Variants in TENM4 observed in about 807,000 individuals in gnomAD.
TENM4 encodes teneurin-4.
In TENM4, 82 loss-of-function variants were observed where a neutral mutation model predicts 243.3. The ratio of observed to expected loss-of-function variants is 0.34; its 90% CI spans 0.28 to 0.40. The LOEUF (loss-of-function observed/expected upper bound fraction) is 0.40. TENM4 is among the 10% of genes least tolerant of loss of function. The pLI is 1.00. For missense variants in TENM4, 3,138 were observed against 3,673.3 expected (o/e 0.85, Z 3.77); for synonymous variants, 1,412 against 1,456.3 (o/e 0.97, Z 0.69).
chr11:78,669,915 G>A lies in TENM4; in HGVS notation c.6430C>T (p.His2144Tyr), dbSNP rs1454327458. Residue 2144 changes from histidine (H) to tyrosine (Y), a missense_variant, in exon 32 of 34, where the codon CAT becomes TAT. Transcript: ENST00000278550. The surrounding 1 kb of genome is among the most constrained non-coding windows in gnomAD (Gnocchi z 6.4). ...TTCATCCTGCCATATGCATCAAAAT[G>A]CTTGGTGTGGGTCATGACAGCTGTG... ...ITTAVMTHTK[H>Y]FDAYGRMKEV... 20 of 1,613,720 alleles carry A rather than the reference G, an allele frequency of 1.2e-5. No individual in the cohort carries two copies. The highest frequency in any genetic ancestry group is 1.5e-5 in the Non-Finnish European group (18 of 1,179,872).
At chr11:78,781,074 G>T (rs1040078248) in intron 16 of TENM4, among the ~76,000 whole-genome samples, 1 of 152,214 alleles carries the variant, frequency 6.6e-6, no homozygotes, top group Admixed American at 6.5e-5. Flanking sequence ...GAAAATGGGA[G>T]TGACAAATGG....
intron 6 of TENM4, among the ~76,000 whole-genome samples, chr11:78,975,617 CAT>C (rs751405946): frequency 0.1 from 6,746 of 64,750 alleles, 227 homozygotes; most frequent in African/African-American, 0.21. Flanking sequence ...CACACACACA[CAT>C]ATATATATAT....
chr11:78,950,176 C>T (rs1857083905), intron 6 of TENM4, among the ~76,000 whole-genome samples: 1 of 152,188 alleles, frequency 6.6e-6, no homozygotes, highest in South Asian at 2.1e-4. Flanking sequence ...CAAAGGCCAT[C>T]ACCAGCTCAG....
In TENM4 at chr11:79,174,927, A is replaced by T. The variant is rs141516080; in HGVS notation, c.-162-26121T>A. Among the ~76,000 whole-genome samples the T allele has an allele frequency of 1.4e-4, 21 of 151,354 alleles. No individual in the cohort carries two copies. In the East Asian group the frequency reaches 3.7e-3, roughly 27 times the overall value. On this transcript the variant is annotated intron_variant, in intron 3 of 33. Coordinates refer to ENST00000278550, the MANE Select transcript of TENM4 (RefSeq NM_001098816.3). ...ACTTTTAAAATAATCCCTTCACTAC[A>T]CTCTCCTCAGCTACCCCATATGACA...
In TENM4 at chr11:78,672,211, C is replaced by G. The variant is rs1472139455; in HGVS notation, c.5615G>C (p.Ser1872Thr). 7.4e-6 allele frequency: 12 copies of G among 1,613,888 alleles called. 1 individual carries two copies. In the East Asian group the frequency reaches 2.7e-4, roughly 36 times the overall value. Residue 1872 changes from serine (S) to threonine (T), a missense_variant, in exon 31 of 34, where the codon AGC (serine) becomes ACC (threonine). Ser to Thr is a moderately conservative substitution (Grantham distance 58, BLOSUM62 1). Around this residue, in one of 2 missense-constraint regions of TENM4, gnomAD observed 2,467 missense variants for 3,059.1 expected, o/e 0.81. Transcript: ENST00000278550. ...RILYDQAGRP[S>T]LWSPSSRLNG... The stretch of plus-strand genomic sequence containing the variant: ...CAGCCTGCTGCTGGGTGACCAGAGG[C>G]TGGGCCGCCCCGCCTGGTCGTACAG...
At chr11:78,913,367 C>T (rs959824285) in intron 6 of TENM4, among the ~76,000 whole-genome samples, 2 of 152,072 alleles carry the variant, frequency 1.3e-5, no homozygotes, top group Non-Finnish European at 2.9e-5. Context: ...CAGCTGCAGC[C>T]GGAGGGGTGG....
intron 1 of TENM4, among the ~76,000 whole-genome samples, chr11:79,317,556 A>C (rs927756513): frequency 1.3e-5 from 2 of 152,110 alleles, no homozygotes; most frequent in Non-Finnish European, 2.9e-5. Flanking sequence ...AATTCATTTG[A>C]CAAACAATAG....
intron 6 of TENM4, among the ~76,000 whole-genome samples, chr11:79,057,530 C>T (rs1314316764): frequency 6.6e-6 from 1 of 152,190 alleles, no homozygotes; most frequent in Non-Finnish European, 1.5e-5. Context: ...ACTGCCCAGA[C>T]TCACCCTGGG....
Position 78,805,277 on chromosome 11 carries a change from T to TACC in TENM4, c.2179+14_2179+15insGGT. ...CCCCTCCCTCTACCCATGCTTCTTC[T>TACC]CCCCCTGCATTTACCGATAGAACAG... On this transcript the variant is annotated intron_variant, in intron 15 of 33. Transcript: ENST00000278550. 18 of 1,402,532 alleles carry TACC rather than the reference T, an allele frequency of 1.3e-5. No homozygotes were observed. The highest frequency in any genetic ancestry group is 6.2e-5 in the East Asian group (2 of 32,218). 86.9% of individuals were successfully genotyped at this position (1,402,532 alleles called of 1,614,324 possible). A position where few individuals can be genotyped will look rare whatever the true frequency, so the allele number is the denominator to read the frequency against.
intron 2 of TENM4, among the ~76,000 whole-genome samples, chr11:79,232,948 C>A (rs1431845050): frequency 6.6e-6 from 1 of 152,210 alleles, no homozygotes; most frequent in Non-Finnish European, 1.5e-5. Flanking sequence ...GGTGAAATTC[C>A]AGATTCACAG....
At chr11:79,109,431 G>T (rs1198605028) in intron 4 of TENM4, among the ~76,000 whole-genome samples, 1 of 152,072 alleles carries the variant, frequency 6.6e-6, no homozygotes. Context: ...GATTCTCCTT[G>T]TGAGGTGCCC....
intron 33 of TENM4, 42 bp from the exon 34 acceptor site, chr11:78,658,858 G>A: frequency 6.4e-7 from 1 of 1,565,000 alleles, no homozygotes; most frequent in Non-Finnish European, 8.7e-7. Context: ...AGACAAAGGG[G>A]AAAAAACCCT....
intron 6 of TENM4, among the ~76,000 whole-genome samples, chr11:79,043,238 GT>G (rs1357463011): frequency 3.3e-5 from 5 of 152,200 alleles, no homozygotes; most frequent in Non-Finnish European, 7.3e-5. Flanking sequence ...ATGTTCTATT[GT>G]GTTCATACCT....
chr11:79,165,082 G>A (rs868040508), intron 3 of TENM4, among the ~76,000 whole-genome samples: 1 of 151,758 alleles, frequency 6.6e-6, no homozygotes. Flanking sequence ...TTGAAATTGC[G>A]AATTGTGCTC....
chr11:78,956,835 C>T (rs2136513324), intron 6 of TENM4, among the ~76,000 whole-genome samples: 1 of 152,314 alleles, frequency 6.6e-6, no homozygotes, highest in Admixed American at 6.5e-5. Context: ...TGTTTCACGG[C>T]AGAAATAGTG....
intron 6 of TENM4, among the ~76,000 whole-genome samples, chr11:78,921,513 C>T (rs975387074): frequency 1.3e-5 from 2 of 152,234 alleles, no homozygotes; most frequent in Admixed American, 6.5e-5. Flanking sequence ...GGTACACAGA[C>T]ACTTCCTTCC....
chr11:78,740,723 G>T (rs962877273), intron 19 of TENM4, among the ~76,000 whole-genome samples: 3 of 152,192 alleles, frequency 2.0e-5, no homozygotes, highest in Admixed American at 1.3e-4. Context: ...TGTGCCTCTG[G>T]ATTCTGCCTG....
In TENM4 at chr11:79,150,813, G is replaced by GT. The variant is rs571779832; in HGVS notation, c.-162-2008dup. 7.7e-4 allele frequency among the ~76,000 whole-genome samples: 117 copies of GT among 152,228 alleles called. 2 individuals are homozygous for GT. Among genetic ancestry groups the GT allele is most frequent in the African/African-American group, 2.5e-3 (104 of 41,540 alleles). ...GCATTTTCATAATTTAATTAGAAGTGTTTTTTTATAAAATAATAACCATAA... is the reference window on the plus strand; with the variant it reads ...GCATTTTCATAATTTAATTAGAAGTGTTTTTTTTATAAAATAATAACCATAA... On this transcript the variant is annotated intron_variant, in intron 3 of 33. Coordinates refer to ENST00000278550, the MANE Select transcript of TENM4 (RefSeq NM_001098816.3).
intron 23 of TENM4, among the ~76,000 whole-genome samples, chr11:78,723,681 C>A (rs1855451779): frequency 6.6e-6 from 1 of 152,176 alleles, no homozygotes; most frequent in Non-Finnish European, 1.5e-5. Flanking sequence ...TAGTCTGGAT[C>A]TTCCTTTTTC....
Sources: gnomAD v4.1 joint callset for allele counts (sites outside exome capture counted in the v4.1 genomes callset) on GRCh38, gnomAD v4.1.1 for gene constraint, gnomAD v4.1.1 regional missense constraint, Gnocchi (gnomAD v3.1) non-coding constraint, MANE v1.5 for transcripts, NCBI Gene and HGNC (gene_info 2026-07-23, HGNC 2026-07-21) for gene names.